The following CFAP52 variants were observed in gnomAD, a reference collection of about 807,000 sequenced individuals.
CFAP52 encodes cilia and flagella associated protein 52, also known as cilia- and flagella-associated protein 52.
CFAP52 carries 57 observed loss-of-function variants against 70.5 expected under a neutral mutation model. That is an observed-to-expected ratio of 0.81 (90% CI 0.65 to 1.01). The LOEUF (loss-of-function observed/expected upper bound fraction) is 1.01, where lower values mean the gene tolerates loss of function less well. CFAP52 is among the 50% of genes least tolerant of loss of function. The pLI, the probability that CFAP52 is intolerant of heterozygous loss-of-function variation, is 0.00. For synonymous variants in CFAP52, 267 were observed against 292.5 expected (o/e 0.91, Z 0.89); for missense variants, 785 against 788.5 (o/e 1.00, Z 0.05).
chr17:9,581,486 G>A (rs1220421242), intron 1 of CFAP52, among the ~76,000 whole-genome samples: 4 of 151,912 alleles, frequency 2.6e-5, no homozygotes, highest in African/African-American at 4.8e-5. Context: ...TATGATATGA[G>A]CCTATTACAG....
downstream of CFAP52, among the ~76,000 whole-genome samples, chr17:9,643,751 C>T (rs976660708): frequency 2.6e-5 from 4 of 152,186 alleles, no homozygotes; most frequent in African/African-American, 9.6e-5. Flanking sequence ...GAATTCCTGA[C>T]AGGGTAGAGA....
intron 10 of CFAP52, among the ~76,000 whole-genome samples, chr17:9,633,675 CTT>C (rs555923244): frequency 1.5e-4 from 21 of 138,448 alleles, no homozygotes; most frequent in Admixed American, 2.2e-4. Context: ...GTCATCTTAT[CTT>C]TTTTTTTTTT....
intron 6 of CFAP52, among the ~76,000 whole-genome samples, chr17:9,601,412 A>G (rs1909263931): frequency 6.6e-6 from 1 of 152,118 alleles, no homozygotes; most frequent in African/African-American, 2.4e-5. Context: ...AAAGTATAAT[A>G]ATAATAAAAT....
At chr17:9,631,016 A>AGAGAGAGAGAG (rs1567634774) in intron 9 of CFAP52, among the ~76,000 whole-genome samples, 4 of 51,158 alleles carry the variant, frequency 7.8e-5, no homozygotes, top group African/African-American at 4.0e-4. Context: ...GAAAGAAAGA[A>AGAGAGAGAGAG]AGAAAGAAAG....
intron 9 of CFAP52, 79 bp downstream of exon 9, chr17:9,628,899 T>C: frequency 6.3e-7 from 1 of 1,588,786 alleles, no homozygotes; most frequent in East Asian, 2.2e-5. Context: ...CATACTAGTC[T>C]CTACATGTGG....
At chr17:9,629,496 TTTTCTTTTC>T (rs1910367018) in intron 9 of CFAP52, among the ~76,000 whole-genome samples, 1 of 146,354 alleles carries the variant, frequency 6.8e-6, no homozygotes, top group Non-Finnish European at 1.5e-5. Context: ...TCTTTCTTTC[TTTTCTTTTC>T]TTTCTTTCTT....
Position 9,594,237 on chromosome 17 carries a change from G to C in CFAP52, c.452G>C (p.Ser151Thr). 6.2e-7 allele frequency: 1 copy of C among 1,613,854 alleles called. No homozygotes were observed. The highest frequency in any genetic ancestry group is 8.5e-7 in the Non-Finnish European group (1 of 1,179,918). The part of the protein sequence containing the change: ...SIAKRDAICG[S>T]PAAGLNVGNA... ...GCCAAGAGAGATGCCATCTGTGGCAGCCCTGCAGCCGGCCTCAATGTTGGC... is the reference window on the plus strand; with the variant it reads ...GCCAAGAGAGATGCCATCTGTGGCACCCCTGCAGCCGGCCTCAATGTTGGC... The change falls in exon 4 of 14, where the codon AGC (serine) becomes ACC (threonine). Residue 151 changes from serine (S) to threonine (T), a missense_variant. By Grantham distance (58) the Ser-to-Thr change is moderately conservative. Coordinates refer to ENST00000352665, the MANE Select transcript of CFAP52 (RefSeq NM_145054.5).
At position 9,631,040 on chromosome 17, in the gene CFAP52, G is replaced by GAAAGAA. The variant is rs1555544268; in HGVS notation, c.1175-1847_1175-1846insAAGAAA. Among the ~76,000 whole-genome samples, 21 of 37,844 alleles carry GAAAGAA rather than the reference G, an allele frequency of 5.5e-4. No individual in the cohort carries two copies. The South Asian group carries it at 0.014, about 26-fold the overall frequency. 24.8% of individuals were successfully genotyped at this position (37,844 alleles called of 152,430 possible). On this transcript the variant is annotated intron_variant, in intron 9 of 13. Coordinates refer to ENST00000352665, the MANE Select transcript of CFAP52 (RefSeq NM_145054.5). The stretch of plus-strand genomic sequence containing the variant: ...AAAGAAAGAAAGAAAGAGAGAGAGA[G>GAAAGAA]AGAGAGAGAGAGAGAAAGAAAGAAA...
intron 9 of CFAP52, among the ~76,000 whole-genome samples, chr17:9,631,499 G>A (rs1206765620): frequency 6.6e-6 from 1 of 152,206 alleles, no homozygotes; most frequent in African/African-American, 2.4e-5. Context: ...GCCATTTGAA[G>A]ACCTGGGGAG....
intron 8 of CFAP52, among the ~76,000 whole-genome samples, chr17:9,622,840 A>T (rs542082666): frequency 6.6e-6 from 1 of 151,866 alleles, no homozygotes; most frequent in Non-Finnish European, 1.5e-5. Flanking sequence ...TCCAATCACT[A>T]CCCTCACCCT....
chr17:9,631,052 G>GAGAAAGAAAGAAAGAA (rs1555544295), intron 9 of CFAP52, among the ~76,000 whole-genome samples: 4,727 of 37,890 alleles, frequency 0.12, 575 homozygotes, highest in Middle Eastern at 0.17. Context: ...GAGAGAGAGA[G>GAGAAAGAAAGAAAGAA]AGAAAGAAAG....
intron 9 of CFAP52, among the ~76,000 whole-genome samples, chr17:9,631,182 C>A (rs150675216): frequency 1.3e-5 from 2 of 151,864 alleles, no homozygotes; most frequent in Non-Finnish European, 2.9e-5. Context: ...AAGATCCCCC[C>A]ATCACCTACA....
Position 9,632,670 on chromosome 17 carries a change from C to T in CFAP52, c.1175-218C>T, listed in dbSNP as rs142273503. 3.0e-3 allele frequency among the ~76,000 whole-genome samples: 464 copies of T among 152,224 alleles called. 1 individual carries two copies. Among genetic ancestry groups the T allele is most frequent in the South Asian group, 7.5e-3 (36 of 4,814 alleles). ...TTGGGTAGATGGAATTGAGGGTAATCAAGGAAGACTCAGGCTGTTGGCTTA... is the reference window on the plus strand; with the variant it reads ...TTGGGTAGATGGAATTGAGGGTAATTAAGGAAGACTCAGGCTGTTGGCTTA... On this transcript the variant is annotated intron_variant, in intron 9 of 13. Coordinates refer to ENST00000352665, the MANE Select transcript of CFAP52 (RefSeq NM_145054.5).
chr17:9,580,562 G>A (rs1392871678), intron 1 of CFAP52, among the ~76,000 whole-genome samples: 1 of 151,942 alleles, frequency 6.6e-6, no homozygotes, highest in East Asian at 1.9e-4. Context: ...GGCGATGCAT[G>A]CCTGTAGTCC....
chr17:9,580,231 G>A (rs1436661361), intron 1 of CFAP52, among the ~76,000 whole-genome samples: 1 of 149,896 alleles, frequency 6.7e-6, no homozygotes, highest in African/African-American at 2.5e-5. Flanking sequence ...GTCTATGGCT[G>A]CTTTTATACC....
chr17:9,587,319 G>A (rs1003045394), intron 3 of CFAP52, among the ~76,000 whole-genome samples: 12 of 152,166 alleles, frequency 7.9e-5, no homozygotes, highest in Non-Finnish European at 1.8e-4. Context: ...GAATAGTGCT[G>A]TGATGCACAT....
At position 9,589,800 on chromosome 17, in the gene CFAP52, A is replaced by AATTTTTT. The variant is rs1908661878; in HGVS notation, c.407+2966_407+2967insATTTTTT. On this transcript the variant is annotated intron_variant, in intron 3 of 13. Coordinates refer to ENST00000352665, the MANE Select transcript of CFAP52 (RefSeq NM_145054.5). ...ATCCCCTGTTAACATTCTTAGCTCA[A>AATTTTTT]CTTTTTTTTTTTTTTGCAAGCAGAA... 9.1e-4 allele frequency: 5 copies of AATTTTTT among 5,506 alleles called. No homozygotes were observed. The South Asian group carries it at 0.037, about 41-fold the overall frequency. 0.3% of individuals were successfully genotyped at this position (5,506 alleles called of 1,614,324 possible). A position where few individuals can be genotyped will look rare whatever the true frequency, so the allele number is the denominator to read the frequency against.
rs1909211653 is a variant in CFAP52 at position 9,600,287 on chromosome 17, C to T, written c.753+104C>T. The T allele has an allele frequency of 1.1e-5, 10 of 949,116 alleles. No homozygotes were observed. In the East Asian group the frequency reaches 1.2e-4, roughly 12 times the overall value. The allele number at this position is 949,116 out of a possible 1,614,324, so 58.8% of individuals were successfully genotyped here. A position where few individuals can be genotyped will look rare whatever the true frequency, so the allele number is the denominator to read the frequency against. ...GATGCAGTCTTGTTCTGTCACTCAACCTGGAGTACAGTGACGTGATCTTGG... is the reference window on the plus strand; with the variant it reads ...GATGCAGTCTTGTTCTGTCACTCAATCTGGAGTACAGTGACGTGATCTTGG... On this transcript the variant is annotated intron_variant, in intron 6 of 13. Transcript: ENST00000352665.
chr17:9,584,252 C>T, intron 1 of CFAP52: 1 of 1,279,530 alleles, frequency 7.8e-7, no homozygotes, highest in Non-Finnish European at 1.0e-6. Context: ...TACATTCAAG[C>T]ATACAAACTT....
Sources: gnomAD v4.1 joint callset for allele counts (sites outside exome capture counted in the v4.1 genomes callset) on GRCh38, gnomAD v4.1.1 for gene constraint, MANE v1.5 for transcripts, NCBI Gene and HGNC (gene_info 2026-07-23, HGNC 2026-07-21) for gene names.